Variants in SUGCT observed in about 807,000 individuals in gnomAD.
SUGCT encodes succinyl-CoA:glutarate CoA-transferase.
In SUGCT, 41 loss-of-function variants were observed where a neutral mutation model predicts 55.0. That is an observed-to-expected ratio of 0.74 (90% confidence interval 0.58 to 0.97). The LOEUF is 0.97. Ranked by LOEUF, SUGCT falls within the 50% of genes least tolerant of loss-of-function variation. SUGCT has a pLI of 0.00. For missense variants in SUGCT, 568 were observed against 547.8 expected (o/e 1.04, Z -0.37); for synonymous variants, 187 against 200.4 (o/e 0.93, Z 0.56).
chr7:40,329,135 C>G (rs1796170344), intron 9 of SUGCT, among the ~76,000 whole-genome samples: 1 of 152,094 alleles, frequency 6.6e-6, no homozygotes, highest in African/African-American at 2.4e-5. Context: ...GTGCTTAGCA[C>G]CAACACAGTA....
intron 12 of SUGCT, among the ~76,000 whole-genome samples, chr7:40,576,370 G>A (rs147647703): frequency 3.9e-5 from 6 of 152,262 alleles, no homozygotes; most frequent in Admixed American, 1.3e-4. Context: ...AAGAAGAAAG[G>A]GAAAAAGGTC....
chr7:40,366,870 A>G (rs1784003967), intron 9 of SUGCT, among the ~76,000 whole-genome samples: 1 of 152,166 alleles, frequency 6.6e-6, no homozygotes, highest in Non-Finnish European at 1.5e-5. Flanking sequence ...TTCCTCAGGG[A>G]TCTCGAACTA....
At chr7:40,648,219 A>G (rs1443423806) in intron 12 of SUGCT, among the ~76,000 whole-genome samples, 3 of 152,220 alleles carry the variant, frequency 2.0e-5, no homozygotes, top group Non-Finnish European at 4.4e-5. Context: ...TTTTCTGTAT[A>G]TATATACATA....
chr7:40,845,594 GTTA>G (rs1469271604), intron 13 of SUGCT, among the ~76,000 whole-genome samples: 1 of 152,188 alleles, frequency 6.6e-6, no homozygotes, highest in Admixed American at 6.5e-5. Flanking sequence ...TTAGAGTGCT[GTTA>G]TTGAGAGGAT....
intron 12 of SUGCT, among the ~76,000 whole-genome samples, chr7:40,686,852 A>T (rs1290282609): frequency 4.6e-5 from 7 of 152,158 alleles, no homozygotes; most frequent in African/African-American, 1.7e-4. Context: ...GGTGTTACAA[A>T]ATCTACAGCT....
intron 1 of SUGCT, among the ~76,000 whole-genome samples, chr7:40,156,153 G>C (rs868424842): frequency 6.6e-6 from 1 of 152,070 alleles, no homozygotes. Context: ...CACTGTGCCT[G>C]GTCTAGGATA....
At chr7:40,403,795 A>T (rs958342175) in intron 9 of SUGCT, among the ~76,000 whole-genome samples, 1 of 152,136 alleles carries the variant, frequency 6.6e-6, no homozygotes, top group Non-Finnish European at 1.5e-5. Context: ...GCATGTTTTC[A>T]TGTTTTCTTT....
At chr7:40,735,520 G>A (rs1787110097) in intron 12 of SUGCT, among the ~76,000 whole-genome samples, 1 of 152,106 alleles carries the variant, frequency 6.6e-6, no homozygotes, top group Non-Finnish European at 1.5e-5. Flanking sequence ...AGAGAAGCAA[G>A]CACTAGAACC....
intron 6 of SUGCT, among the ~76,000 whole-genome samples, chr7:40,223,325 T>C (rs956361090): frequency 1.3e-5 from 2 of 152,216 alleles, no homozygotes; most frequent in African/African-American, 4.8e-5. Flanking sequence ...CCTCCCAAAG[T>C]GCTGGGATTA....
At chr7:40,548,978 G>A (rs1261107760) in intron 12 of SUGCT, among the ~76,000 whole-genome samples, 1 of 152,092 alleles carries the variant, frequency 6.6e-6, no homozygotes, top group Non-Finnish European at 1.5e-5. Flanking sequence ...TAACCACCTT[G>A]TTACCCGGAG....
At chr7:40,892,015 A>C in the SUGCT span, among the ~76,000 whole-genome samples, 2 of 152,142 alleles carry the variant, frequency 1.3e-5, no homozygotes, top group Non-Finnish European at 2.9e-5. Context: ...TCAACAAAAA[A>C]AAAAGAATAT....
the SUGCT span, among the ~76,000 whole-genome samples, chr7:41,009,045 T>C: frequency 6.6e-6 from 1 of 151,988 alleles, no homozygotes; most frequent in Non-Finnish European, 1.5e-5. Flanking sequence ...TTGGGGAAAA[T>C]GCAGTTCTAA....
At chr7:40,464,507 A>T (rs1789993122) in intron 11 of SUGCT, among the ~76,000 whole-genome samples, 1 of 152,168 alleles carries the variant, frequency 6.6e-6, no homozygotes, top group Non-Finnish European at 1.5e-5. Flanking sequence ...TATTGATGTG[A>T]ATGTACTTTT....
chr7:40,658,851 C>T (rs554984802), intron 12 of SUGCT, among the ~76,000 whole-genome samples: 1 of 152,192 alleles, frequency 6.6e-6, no homozygotes, highest in Non-Finnish European at 1.5e-5. Flanking sequence ...TTTTGCCTGG[C>T]TCTTCCTCTC....
the SUGCT span, among the ~76,000 whole-genome samples, chr7:40,883,163 A>ACAGT: frequency 6.6e-6 from 1 of 152,166 alleles, no homozygotes; most frequent in African/African-American, 2.4e-5. Flanking sequence ...TTTCTTCTTA[A>ACAGT]CAGTACAGGC....
the SUGCT span, among the ~76,000 whole-genome samples, chr7:41,011,513 C>A: frequency 2.0e-5 from 3 of 152,196 alleles, no homozygotes; most frequent in African/African-American, 4.8e-5. Flanking sequence ...TCTAGGGGAG[C>A]TTGTTAGAAA....
chr7:41,028,728 A>C, the SUGCT span, among the ~76,000 whole-genome samples: 4 of 152,212 alleles, frequency 2.6e-5, no homozygotes, highest in African/African-American at 7.2e-5. Context: ...TTGTTGACTA[A>C]AATGTTGTCA....
At chr7:40,467,075 G>A (rs1272031983) in intron 11 of SUGCT, among the ~76,000 whole-genome samples, 1 of 151,934 alleles carries the variant, frequency 6.6e-6, no homozygotes, top group Non-Finnish European at 1.5e-5. Context: ...GGTGGTGCAC[G>A]CCTGTAGTCC....
chr7:40,426,010 A>T (rs756103673), intron 9 of SUGCT, among the ~76,000 whole-genome samples: 1 of 152,220 alleles, frequency 6.6e-6, no homozygotes, highest in Non-Finnish European at 1.5e-5. Context: ...AAATGAATTT[A>T]TTATAATGTC....
Sources: gnomAD v4.1 joint callset for allele counts (sites outside exome capture counted in the v4.1 genomes callset) on GRCh38, gnomAD v4.1.1 for gene constraint, MANE v1.5 for transcripts, NCBI Gene and HGNC (gene_info 2026-07-23, HGNC 2026-07-21) for gene names.